The following SIPA1L2 variants were observed in gnomAD, a reference collection of about 807,000 sequenced individuals.
The protein encoded by SIPA1L2 is signal-induced proliferation-associated 1-like protein 2.
In SIPA1L2, 56 loss-of-function variants were observed where a neutral mutation model predicts 163.9. The ratio of observed to expected loss-of-function variants is 0.34; its 90% CI spans 0.28 to 0.43. SIPA1L2 has a LOEUF of 0.43. Ranked by LOEUF, SIPA1L2 falls within the 20% of genes least tolerant of loss-of-function variation. The probability of loss-of-function intolerance (pLI) is 1.00; values close to 1 mark genes in which losing one functional copy is unlikely to be tolerated. For synonymous variants in SIPA1L2, 877 were observed against 865.7 expected (o/e 1.01, Z -0.23); for missense variants, 1,974 against 2,193.5 (o/e 0.90, Z 2.00).
intron 1 of SIPA1L2, among the ~76,000 whole-genome samples, chr1:232,606,105 T>C (rs1661906533): frequency 6.6e-6 from 1 of 152,234 alleles, no homozygotes; most frequent in Non-Finnish European, 1.5e-5. Context: ...TTTCATCTAC[T>C]ATCATTACAA....
intron 2 of SIPA1L2, among the ~76,000 whole-genome samples, chr1:232,573,032 C>T (rs950711879): frequency 2.0e-5 from 3 of 151,886 alleles, no homozygotes; most frequent in Admixed American, 6.6e-5. Flanking sequence ...CCGTCCGCCT[C>T]GGCCTTCCAA....
chr1:232,458,559 T>C (rs1181011749), intron 10 of SIPA1L2, among the ~76,000 whole-genome samples: 2 of 152,226 alleles, frequency 1.3e-5, no homozygotes, highest in African/African-American at 4.8e-5. Flanking sequence ...AGGCAAGAAA[T>C]GTTATTTTTT....
chr1:232,432,512 T>G (rs1243582992), intron 15 of SIPA1L2, 41 bp from the exon 16 acceptor site: 2 of 1,582,492 alleles, frequency 1.3e-6, no homozygotes, highest in East Asian at 2.2e-5. Context: ...ACAATCTGAT[T>G]TCAGCAGTGC....
intron 22 of SIPA1L2, among the ~76,000 whole-genome samples, chr1:232,401,533 C>T (rs952984844): frequency 4.6e-5 from 7 of 152,308 alleles, no homozygotes; most frequent in Admixed American, 4.6e-4. Context: ...GCCAACATCT[C>T]TGTCTGGACC....
intron 17 of SIPA1L2, among the ~76,000 whole-genome samples, chr1:232,427,504 T>A (rs1661970474): frequency 6.6e-6 from 1 of 152,190 alleles, no homozygotes; most frequent in Non-Finnish European, 1.5e-5. Context: ...AGTGCTGGAT[T>A]AGAAGTGAGA....
At chr1:232,427,270 A>C (rs1394246819) in intron 17 of SIPA1L2, among the ~76,000 whole-genome samples, 1 of 152,222 alleles carries the variant, frequency 6.6e-6, no homozygotes, top group Non-Finnish European at 1.5e-5. Flanking sequence ...TTCCCTCCTC[A>C]CACACCACCA....
intron 1 of SIPA1L2, among the ~76,000 whole-genome samples, chr1:232,623,062 G>T (rs1475397326): frequency 6.6e-6 from 1 of 152,194 alleles, no homozygotes; most frequent in South Asian, 2.1e-4. Flanking sequence ...GAGGATGGGT[G>T]GGGGTGGATG....
intron 19 of SIPA1L2, among the ~76,000 whole-genome samples, chr1:232,414,202 G>T (rs550144928): frequency 6.6e-6 from 1 of 152,188 alleles, no homozygotes; most frequent in Admixed American, 6.5e-5. Flanking sequence ...AGCAGTGAGC[G>T]CACATTCATG....
chr1:232,604,810 C>G (rs1661806161), intron 1 of SIPA1L2, among the ~76,000 whole-genome samples: 1 of 151,984 alleles, frequency 6.6e-6, no homozygotes, highest in Non-Finnish European at 1.5e-5. Context: ...CACATAACCC[C>G]TCTCCTCTCT....
At chr1:232,522,435 T>C (rs1667498201) in intron 2 of SIPA1L2, among the ~76,000 whole-genome samples, 1 of 151,912 alleles carries the variant, frequency 6.6e-6, no homozygotes, top group South Asian at 2.1e-4. Context: ...AGTTCACGTA[T>C]CATGTTTTTA....
chr1:232,629,285 C>G (rs1197065347), intron 1 of SIPA1L2, among the ~76,000 whole-genome samples: 1 of 152,220 alleles, frequency 6.6e-6, no homozygotes, highest in Non-Finnish European at 1.5e-5. Context: ...GCAAACTACC[C>G]TCACTGACAC....
chr1:232,453,036 T>A (rs1363333890), intron 10 of SIPA1L2, among the ~76,000 whole-genome samples: 1 of 152,212 alleles, frequency 6.6e-6, no homozygotes, highest in East Asian at 1.9e-4. Flanking sequence ...AGATAACAGA[T>A]GTTTATAGAG....
intron 2 of SIPA1L2, among the ~76,000 whole-genome samples, chr1:232,540,193 ACT>A (rs1358122881): frequency 6.6e-6 from 1 of 151,902 alleles, no homozygotes; most frequent in Non-Finnish European, 1.5e-5. Context: ...AATCCCAGCT[ACT>A]CGAGAGGCTG....
Position 232,568,842 on chromosome 1 carries a change from TGGAGGACACACAGATCCAC to T in SIPA1L2, c.-270+5313_-270+5331del, listed in dbSNP as rs1158146508. Among the ~76,000 whole-genome samples the T allele has an allele frequency of 9.8e-5, 15 of 152,366 alleles. No individual in the cohort carries two copies. In the East Asian group the frequency reaches 2.9e-3, roughly 29 times the overall value. On this transcript the variant is annotated intron_variant, in intron 2 of 22. Coordinates refer to ENST00000674635, the MANE Select transcript of SIPA1L2 (RefSeq NM_020808.5). ...AGTGCCTACAACATGCCAGGCGCCC[TGGAGGACACACAGATCCAC>T]AGTCATCTCAGCTCACTAGTATTCT...
intron 9 of SIPA1L2, chr1:232,462,484 G>A: frequency 1.1e-6 from 1 of 904,512 alleles, no homozygotes; most frequent in Non-Finnish European, 1.6e-6. Context: ...GTTACCACAA[G>A]TGCACACAAT....
At chr1:232,475,758 T>G (rs1227665228) in intron 7 of SIPA1L2, among the ~76,000 whole-genome samples, 2 of 152,194 alleles carry the variant, frequency 1.3e-5, no homozygotes, top group African/African-American at 4.8e-5. Context: ...ACAAACGAAT[T>G]AAGAAATATT....
At chr1:232,556,261 C>A (rs907615407) in intron 2 of SIPA1L2, among the ~76,000 whole-genome samples, 1 of 152,216 alleles carries the variant, frequency 6.6e-6, no homozygotes, top group African/African-American at 2.4e-5. Flanking sequence ...CCCTGCCCCT[C>A]AAATTTACCC....
chr1:232,399,517 AG>A (rs1660205379), intron 22 of SIPA1L2, among the ~76,000 whole-genome samples: 1 of 151,988 alleles, frequency 6.6e-6, no homozygotes, highest in Non-Finnish European at 1.5e-5. Context: ...GTGCTAAGAT[AG>A]CCTTTATATA....
chr1:232,588,365 T>G (rs1660781403), intron 1 of SIPA1L2, among the ~76,000 whole-genome samples: 1 of 152,178 alleles, frequency 6.6e-6, no homozygotes, highest in Admixed American at 6.5e-5. Context: ...TTATGAAAAT[T>G]TTAGACTTTC....
Sources: gnomAD v4.1 joint callset for allele counts (sites outside exome capture counted in the v4.1 genomes callset) on GRCh38, gnomAD v4.1.1 for gene constraint, MANE v1.5 for transcripts, NCBI Gene and HGNC (gene_info 2026-07-23, HGNC 2026-07-21) for gene names.